DCC: variants seen among roughly 807,000 people sequenced by gnomAD.
The protein encoded by DCC is DCC netrin 1 receptor.
DCC carries 58 observed loss-of-function variants against 172.5 expected under a neutral mutation model. The observed-to-expected ratio is 0.34, with a 90% CI of 0.27 to 0.42. The LOEUF (loss-of-function observed/expected upper bound fraction) is 0.42. DCC is among the 10% of genes least tolerant of loss of function. DCC has a pLI of 1.00. For synonymous variants in DCC, 709 were observed against 644.5 expected (o/e 1.10, Z -1.52); for missense variants, 1,740 against 1,791.0 (o/e 0.97, Z 0.51).
At chr18:53,050,819 G>A (rs977468206) in intron 5 of DCC, among the ~76,000 whole-genome samples, 1 of 152,042 alleles carries the variant, frequency 6.6e-6, no homozygotes, top group African/African-American at 2.4e-5. Context: ...ATGTTGAATA[G>A]GAATGGCTTG....
chr18:52,562,123 A>G (rs113752561), intron 1 of DCC, among the ~76,000 whole-genome samples: 8 of 152,170 alleles, frequency 5.3e-5, no homozygotes, highest in African/African-American at 1.4e-4. Context: ...CCAAAAATGC[A>G]TTGGTACAAA....
intron 1 of DCC, among the ~76,000 whole-genome samples, chr18:52,737,368 C>T (rs895285984): frequency 6.6e-6 from 1 of 152,106 alleles, no homozygotes; most frequent in Non-Finnish European, 1.5e-5. Context: ...ATGAAAAAAA[C>T]TCTACTGTGC....
At chr18:53,361,279 T>C (rs186345058) in intron 15 of DCC, among the ~76,000 whole-genome samples, 341 of 152,256 alleles carry the variant, frequency 2.2e-3, no homozygotes, top group African/African-American at 7.8e-3. Context: ...ACGATTTTTG[T>C]TGTTTAAGTT....
intron 15 of DCC, among the ~76,000 whole-genome samples, chr18:53,384,964 C>T (rs1908046337): frequency 6.6e-6 from 1 of 150,856 alleles, no homozygotes; most frequent in Non-Finnish European, 1.5e-5. Flanking sequence ...TCTCCTGCCT[C>T]AGCTTCCCGA....
At chr18:52,344,938 T>C (rs1252264946) in intron 1 of DCC, among the ~76,000 whole-genome samples, 1 of 152,280 alleles carries the variant, frequency 6.6e-6, no homozygotes, top group Non-Finnish European at 1.5e-5. Flanking sequence ...TAGCTGACTT[T>C]GGTGTGAATT....
At chr18:53,146,625 G>T (rs2043920229) in intron 7 of DCC, among the ~76,000 whole-genome samples, 1 of 152,106 alleles carries the variant, frequency 6.6e-6, no homozygotes, top group South Asian at 2.1e-4. Flanking sequence ...AGAAAGCCTT[G>T]TCTACAAAGC....
chr18:52,956,740 CAATT>C lies in DCC; in HGVS notation c.985+31371_985+31374del, dbSNP rs2040751406. Among the ~76,000 whole-genome samples, 14 of 152,156 alleles carry C rather than the reference CAATT, an allele frequency of 9.2e-5. No individual in the cohort carries two copies. In the South Asian group the frequency reaches 2.9e-3, roughly 32 times the overall value. Reference sequence around the variant, plus strand: ...ATATCAATGACCATGGAATATTTCTCAATTTATTTAGTTTTTCTTTAATATCTTT... The same window carrying C: ...ATATCAATGACCATGGAATATTTCTCTATTTAGTTTTTCTTTAATATCTTT... On this transcript the variant is annotated intron_variant, in intron 5 of 28. Transcript: ENST00000442544.
In DCC at chr18:53,042,441, G is replaced by A. The variant is rs371327334; in HGVS notation, c.986-20864G>A. Reference sequence around the variant, plus strand: ...ATTGAGGATTTTCACATCGATGTTCGTCAGGCATATTGGCCTGAAATTTTC... The same window carrying A: ...ATTGAGGATTTTCACATCGATGTTCATCAGGCATATTGGCCTGAAATTTTC... On this transcript the variant is annotated intron_variant, in intron 5 of 28. Transcript: ENST00000442544. Among the ~76,000 whole-genome samples the A allele has an allele frequency of 9.2e-5, 14 of 151,906 alleles. No homozygotes were observed. The East Asian group carries it at 1.8e-3, about 19-fold the overall frequency.
intron 9 of DCC, among the ~76,000 whole-genome samples, chr18:53,202,221 G>A (rs192370309): frequency 4.6e-5 from 7 of 152,246 alleles, no homozygotes; most frequent in South Asian, 4.1e-4. Flanking sequence ...AGATCAAGAT[G>A]AGCCTGGAAC....
intron 2 of DCC, among the ~76,000 whole-genome samples, chr18:52,857,133 A>G (rs551526250): frequency 6.6e-6 from 1 of 152,350 alleles, no homozygotes; most frequent in South Asian, 2.1e-4. Context: ...TAAAAAAATA[A>G]TATCATGTAT....
At chr18:53,021,992 A>C (rs2041888127) in intron 5 of DCC, among the ~76,000 whole-genome samples, 1 of 152,212 alleles carries the variant, frequency 6.6e-6, no homozygotes, top group Non-Finnish European at 1.5e-5. Flanking sequence ...AGTTGCAATT[A>C]AAATGTTGGG....
chr18:53,477,062 G>T (rs2045772101), intron 25 of DCC, among the ~76,000 whole-genome samples: 1 of 152,150 alleles, frequency 6.6e-6, no homozygotes. Flanking sequence ...CAGCTGCAGT[G>T]CAGTGGTATG....
At chr18:53,201,253 T>C (rs2055532213) in intron 9 of DCC, among the ~76,000 whole-genome samples, 1 of 152,138 alleles carries the variant, frequency 6.6e-6, no homozygotes, top group African/African-American at 2.4e-5. Context: ...AGTTGGGTCA[T>C]TTTAAAATCC....
intron 1 of DCC, among the ~76,000 whole-genome samples, chr18:52,497,429 A>ATGTG (rs1598865661): frequency 2.5e-4 from 37 of 148,698 alleles, no homozygotes; most frequent in South Asian, 4.3e-4. Context: ...ACATATACAC[A>ATGTG]TACATATAAA....
rs539560336 is a variant in DCC at position 53,232,864 on chromosome 18, C to T, written c.1911+17267C>T. The stretch of plus-strand genomic sequence containing the variant: ...TGACAGCCCCTGTGTTCATCTGAAT[C>T]TCTAATGTCTCCGCTCTCAATAAAC... On this transcript the variant is annotated intron_variant, in intron 12 of 28. Coordinates refer to ENST00000442544, the MANE Select transcript of DCC (RefSeq NM_005215.4). 3.3e-5 allele frequency among the ~76,000 whole-genome samples: 5 copies of T among 152,230 alleles called. No homozygotes were observed. In the South Asian group the frequency reaches 1.0e-3, roughly 32 times the overall value.
intron 1 of DCC, among the ~76,000 whole-genome samples, chr18:52,351,336 T>A (rs966819069): frequency 6.6e-6 from 1 of 152,218 alleles, no homozygotes; most frequent in Non-Finnish European, 1.5e-5. Flanking sequence ...AGATATTGAC[T>A]GAATAAATTC....
intron 1 of DCC, among the ~76,000 whole-genome samples, chr18:52,521,293 G>A (rs2031806005): frequency 6.6e-6 from 1 of 152,116 alleles, no homozygotes; most frequent in Admixed American, 6.5e-5. Flanking sequence ...TTCATTTGAG[G>A]TTCACATTTA....
chr18:53,468,384 A>ATTTATTTATTTATTTAT (rs2045653045), intron 25 of DCC, among the ~76,000 whole-genome samples: 7 of 144,264 alleles, frequency 4.9e-5, no homozygotes, highest in Admixed American at 1.4e-4. Flanking sequence ...TATTTATTTT[A>ATTTATTTATTTATTTAT]TTTATTTATT....
intron 1 of DCC, among the ~76,000 whole-genome samples, chr18:52,478,073 G>C (rs116552581): frequency 1.3e-5 from 2 of 152,228 alleles, no homozygotes; most frequent in African/African-American, 2.4e-5. Context: ...GCCTCACAAA[G>C]TATTGGAATT....
Sources: gnomAD v4.1 joint callset for allele counts (sites outside exome capture counted in the v4.1 genomes callset) on GRCh38, gnomAD v4.1.1 for gene constraint, MANE v1.5 for transcripts, NCBI Gene and HGNC (gene_info 2026-07-23, HGNC 2026-07-21) for gene names.